NKD1: variants seen among roughly 807,000 people sequenced by gnomAD.
The protein encoded by NKD1 is NKD inhibitor of Wnt signaling pathway 1, also known as protein naked cuticle homolog 1.
A neutral mutation model predicts 56.0 loss-of-function variants in NKD1; 21 were observed. That is an observed-to-expected ratio of 0.38 (90% CI 0.27 to 0.54). The LOEUF (loss-of-function observed/expected upper bound fraction) is 0.54, where lower values mean the gene tolerates loss of function less well. Among genes scored for constraint, NKD1 ranks in the 20% least tolerant of loss-of-function variants. NKD1 has a pLI of 0.82. For synonymous variants in NKD1, 263 were observed against 265.7 expected, an observed-to-expected ratio of 0.99 and a Z score of 0.10; for missense variants, 578 against 642.7, an observed-to-expected ratio of 0.90 and a Z score of 1.09.
intron 3 of NKD1, among the ~76,000 whole-genome samples, chr16:50,551,152 C>T (rs1358932759): frequency 7.0e-6 from 1 of 143,620 alleles, no homozygotes; most frequent in African/African-American, 2.5e-5. Flanking sequence ...GAGAGGAAAA[C>T]AAAAGTCTGT....
In NKD1 at chr16:50,575,266, G is replaced by C. The variant is rs558434010; in HGVS notation, c.192+25711G>C. 1.8e-3 allele frequency: 1,730 copies of C among 985,416 alleles called. 11 individuals are homozygous for C. Among genetic ancestry groups the C allele is most frequent in the Middle Eastern group, 0.015 (29 of 1,914 alleles). The allele number at this position is 985,416 out of a possible 1,614,324, so 61.0% of individuals were successfully genotyped here. On this transcript the variant is annotated intron_variant, in intron 3 of 9. Coordinates refer to ENST00000268459, the MANE Select transcript of NKD1 (RefSeq NM_033119.5). ...GAGGCCAGTCTTCTGGGGTAACGTT[G>C]GCACTAAAAGATTCACCAGTGCCCA...
chr16:50,573,456 C>G (rs984499541), intron 3 of NKD1, among the ~76,000 whole-genome samples: 1 of 152,244 alleles, frequency 6.6e-6, no homozygotes. Context: ...ACCTGCCCTG[C>G]AGTGTGAAGC....
chr16:50,614,601 A>G (rs1050212648), intron 4 of NKD1, among the ~76,000 whole-genome samples: 2 of 152,148 alleles, frequency 1.3e-5, no homozygotes, highest in Admixed American at 1.3e-4. Context: ...GACTCACTTT[A>G]TTGACCACTT....
In NKD1 at chr16:50,644,755, A is replaced by G. The variant is rs1962644423; in HGVS notation, c.*10974A>G. 6.6e-6 allele frequency: 1 copy of G among 152,280 alleles called. No individual in the cohort carries two copies. Among genetic ancestry groups the G allele is most frequent in the South Asian group, 2.1e-4 (1 of 4,832 alleles). 9.4% of individuals were successfully genotyped at this position (152,280 alleles called of 1,614,324 possible). Reference sequence around the variant, plus strand: ...TCTGACTCTGTCCTCAAAAGGCAGCATCTGATTGTGATTTGGTCCAGAAAT... The same window carrying G: ...TCTGACTCTGTCCTCAAAAGGCAGCGTCTGATTGTGATTTGGTCCAGAAAT... On this transcript the variant is annotated 3_prime_UTR_variant, in exon 10 of 10. Coordinates refer to ENST00000268459, the MANE Select transcript of NKD1 (RefSeq NM_033119.5).
rs1194691632 is a variant in NKD1, at chr16:50,644,709, A to G, written c.*10928A>G. 6.6e-6 allele frequency: 1 copy of G among 152,248 alleles called. No homozygotes were observed. Among genetic ancestry groups the G allele is most frequent in the African/African-American group, 2.4e-5 (1 of 41,470 alleles). The allele number at this position is 152,248 out of a possible 1,614,324, so 9.4% of individuals were successfully genotyped here. A position where few individuals can be genotyped will look rare whatever the true frequency, so the allele number is the denominator to read the frequency against. On this transcript the variant is annotated 3_prime_UTR_variant, in exon 10 of 10. Transcript: ENST00000268459. Reference sequence around the variant, plus strand: ...GATGGGCCCCTGGCCATCTTAGCCAACATCACCTGATTCTGTTTCCTCTGA... The same window carrying G: ...GATGGGCCCCTGGCCATCTTAGCCAGCATCACCTGATTCTGTTTCCTCTGA...
chr16:50,639,874 T>C lies in NKD1; in HGVS notation c.*6093T>C, dbSNP rs2151283171. The C allele has an allele frequency of 6.6e-6, 1 of 152,428 alleles. No individual in the cohort carries two copies. The highest frequency in any genetic ancestry group is 1.9e-4 in the East Asian group (1 of 5,190). The allele number at this position is 152,428 out of a possible 1,614,324, so 9.4% of individuals were successfully genotyped here. ...CTGAAATTAGGGAGATATGAATGTCTTTCTTGAAAACTTCTCTTCCCAGTC... is the reference window on the plus strand; with the variant it reads ...CTGAAATTAGGGAGATATGAATGTCCTTCTTGAAAACTTCTCTTCCCAGTC... On this transcript the variant is annotated 3_prime_UTR_variant, in exon 10 of 10. Transcript: ENST00000268459.
At chr16:50,608,911 C>T (rs745328401) in intron 4 of NKD1, among the ~76,000 whole-genome samples, 2 of 152,158 alleles carry the variant, frequency 1.3e-5, no homozygotes, top group African/African-American at 2.4e-5. Flanking sequence ...ACTGCAGCCT[C>T]GACCTGGGCT....
intron 3 of NKD1, among the ~76,000 whole-genome samples, 156 bp downstream of exon 3, chr16:50,549,711 C>T (rs1210401617): frequency 1.3e-5 from 2 of 152,226 alleles, no homozygotes; most frequent in Admixed American, 1.3e-4. Context: ...ACGCGACCCT[C>T]TGCCCGCATG....
Position 50,598,262 on chromosome 16 carries a change from T to TGTGCGCGCGC in NKD1, c.193-10031_193-10030insTGCGCGCGCG, listed in dbSNP as rs138964473. Among the ~76,000 whole-genome samples, 3,227 of 148,452 alleles carry TGTGCGCGCGC rather than the reference T, an allele frequency of 0.022. 44 individuals are homozygous for TGTGCGCGCGC. The highest frequency in any genetic ancestry group is 0.035 in the Admixed American group (527 of 15,110). ...GTGTGTGTGTGTGTGTGTGTGTGTG[T>TGTGCGCGCGC]GCGCGCACACCTGTGCTCATGGACA... On this transcript the variant is annotated intron_variant, in intron 3 of 9. Coordinates refer to ENST00000268459, the MANE Select transcript of NKD1 (RefSeq NM_033119.5). The surrounding 1 kb of genome is among the most constrained non-coding windows in gnomAD (Gnocchi z 4.2).
intron 4 of NKD1, among the ~76,000 whole-genome samples, chr16:50,612,541 C>T (rs556771499): frequency 5.9e-5 from 9 of 152,252 alleles, no homozygotes; most frequent in East Asian, 1.9e-4. Flanking sequence ...CATAAATCTG[C>T]GAAGGAGCAT....
At chr16:50,558,296 G>A (rs982607000) in intron 3 of NKD1, 2 of 152,234 alleles carry the variant, frequency 1.3e-5, no homozygotes, top group Non-Finnish European at 2.9e-5. Context: ...TGGTAGAGAA[G>A]CAGTATGTTA....
rs141645508 is a variant in NKD1, at chr16:50,596,888, G to A, written c.193-11406G>A. Among the ~76,000 whole-genome samples, 24 of 152,334 alleles carry A rather than the reference G, an allele frequency of 1.6e-4. No homozygotes were observed. The East Asian group carries it at 4.6e-3, about 29-fold the overall frequency. On this transcript the variant is annotated intron_variant, in intron 3 of 9. Coordinates refer to ENST00000268459, the MANE Select transcript of NKD1 (RefSeq NM_033119.5). ...GTTATCCAGAGGAAGAGTCTTCCGG[G>A]TAGAGGGAACAGCGTGTGTGAAGAC...
intron 3 of NKD1, among the ~76,000 whole-genome samples, chr16:50,592,651 G>A (rs1226041208): frequency 6.6e-6 from 1 of 152,228 alleles, no homozygotes; most frequent in East Asian, 1.9e-4. Context: ...CTGCAAGGAG[G>A]ATGCAGAGTG....
At chr16:50,556,902 G>T (rs191292633) in intron 3 of NKD1, 1 of 151,900 alleles carries the variant, frequency 6.6e-6, no homozygotes, top group African/African-American at 2.4e-5. Context: ...TTTTATTTTA[G>T]GTTCAAGGTA....
intron 3 of NKD1, among the ~76,000 whole-genome samples, chr16:50,559,024 A>G (rs559212148): frequency 6.6e-6 from 1 of 152,348 alleles, no homozygotes; most frequent in Non-Finnish European, 1.5e-5. Context: ...AACTTGCAGA[A>G]TCAGACTTCC....
At chr16:50,570,663 T>C (rs1308298503) in intron 3 of NKD1, among the ~76,000 whole-genome samples, 6 of 152,244 alleles carry the variant, frequency 3.9e-5, no homozygotes, top group Non-Finnish European at 8.8e-5. Flanking sequence ...CTTAGCTCCG[T>C]AGCTAGCCAC....
chr16:50,571,685 G>C (rs1960887207), intron 3 of NKD1: 1 of 240,202 alleles, frequency 4.2e-6, no homozygotes, highest in Admixed American at 6.5e-5. Flanking sequence ...TCTCAGATTT[G>C]CCCACTGCTC....
In NKD1 at chr16:50,589,228, C is replaced by G. The variant is rs571984673; in HGVS notation, c.193-19066C>G. ...GCCCCTGTTCTTTAGACTAAGTTCC[C>G]CTTTTTAATACTATTTCTCATAGAA... On this transcript the variant is annotated intron_variant, in intron 3 of 9. Coordinates refer to ENST00000268459, the MANE Select transcript of NKD1 (RefSeq NM_033119.5). Among the ~76,000 whole-genome samples, 7 of 152,258 alleles carry G rather than the reference C, an allele frequency of 4.6e-5. No homozygotes were observed. In the East Asian group the frequency reaches 1.2e-3, roughly 25 times the overall value.
intron 4 of NKD1, among the ~76,000 whole-genome samples, chr16:50,611,058 G>C (rs772161339): frequency 6.6e-6 from 1 of 152,160 alleles, no homozygotes; most frequent in Non-Finnish European, 1.5e-5. Context: ...CCCCACAGCT[G>C]GGCAGGACTC....
Sources: gnomAD v4.1 joint callset for allele counts (sites outside exome capture counted in the v4.1 genomes callset) on GRCh38, gnomAD v4.1.1 for gene constraint, Gnocchi (gnomAD v3.1) non-coding constraint, MANE v1.5 for transcripts, NCBI Gene and HGNC (gene_info 2026-07-23, HGNC 2026-07-21) for gene names.